The following ABCA3 variants were observed in gnomAD, a reference collection of about 807,000 sequenced individuals.
The protein encoded by ABCA3 is phospholipid-transporting ATPase ABCA3.
A neutral mutation model predicts 172.8 loss-of-function variants in ABCA3; 88 were observed. The ratio of observed to expected loss-of-function variants is 0.51; its 90% CI spans 0.43 to 0.61. ABCA3 has a LOEUF of 0.61. ABCA3 is among the 20% of genes least tolerant of loss of function. The pLI, the probability that ABCA3 is intolerant of heterozygous loss-of-function variation, is 0.00. For synonymous variants in ABCA3, 1,066 were observed against 983.8 expected, an observed-to-expected ratio of 1.08 and a Z score of -1.56; for missense variants, 2,164 against 2,301.0, an observed-to-expected ratio of 0.94 and a Z score of 1.22.
rs377471798 is a variant in ABCA3, at chr16:2,277,006, C to A, written c.4984-201G>T. 2.6e-5 allele frequency among the ~76,000 whole-genome samples: 4 copies of A among 152,176 alleles called. No individual in the cohort carries two copies. Among genetic ancestry groups the A allele is most frequent in the African/African-American group, 9.7e-5 (4 of 41,442 alleles). ...AGGACGCTGGCTAAGCAGGAGCCAG[C>A]GGGGATGGGGCCCAGCCTCCTCCCT... is the stretch of plus-strand genomic sequence containing the variant. On this transcript the variant is annotated intron_variant, in intron 32 of 32. Transcript: ENST00000301732. The surrounding 1 kb of genome is among the most constrained non-coding windows in gnomAD (Gnocchi z 5.3).
chr16:2,302,864 C>G (rs987382070), intron 12 of ABCA3, among the ~76,000 whole-genome samples: 7 of 151,708 alleles, frequency 4.6e-5, no homozygotes, highest in Non-Finnish European at 8.8e-5. Flanking sequence ...TCTCAGCTCA[C>G]TGCAACCTCC....
At chr16:2,301,008 A>G (rs1424564998) in intron 12 of ABCA3, among the ~76,000 whole-genome samples, 10 of 151,828 alleles carry the variant, frequency 6.6e-5, no homozygotes, top group Admixed American at 6.6e-5. Flanking sequence ...AGGCGGGCGG[A>G]TCATGAGGTC....
intron 20 of ABCA3, 92 bp from the exon 21 acceptor site, chr16:2,288,421 G>A (rs2093666589): frequency 5.7e-6 from 8 of 1,410,478 alleles, no homozygotes; most frequent in South Asian, 1.3e-5. Flanking sequence ...TCTGTGTGAC[G>A]CCAGCCTGGG....
At chr16:2,301,950 C>T (rs771026010) in intron 12 of ABCA3, among the ~76,000 whole-genome samples, 4 of 152,244 alleles carry the variant, frequency 2.6e-5, no homozygotes, top group Non-Finnish European at 5.9e-5. Context: ...AGGTTGTGGG[C>T]AAGGAACACC....
chr16:2,323,452 G>C, intron 7 of ABCA3, 71 bp downstream of exon 7: 1 of 1,589,556 alleles, frequency 6.3e-7, no homozygotes. Flanking sequence ...TGCAAAGTGG[G>C]GCTGCCCCCA....
chr16:2,322,373 TTC>T (rs1483088288), intron 7 of ABCA3, among the ~76,000 whole-genome samples: 10 of 152,014 alleles, frequency 6.6e-5, no homozygotes, highest in Admixed American at 5.9e-4. Flanking sequence ...TGAAAAGTAT[TTC>T]TTTCTTTTTT....
Position 2,303,990 on chromosome 16 carries a change from C to G in ABCA3, c.1446G>C (p.Gln482His), listed in dbSNP as rs746960740. The change falls in exon 12 of 33, where the codon CAG becomes CAC. Residue 482 changes from glutamine to histidine, a missense_variant. Coordinates refer to ENST00000301732, the MANE Select transcript of ABCA3 (RefSeq NM_001089.3). Reference protein sequence around the residue: ...AVFPGQFGVPQPWYFFIMPSY... With the variant: ...AVFPGQFGVPHPWYFFIMPSY... The stretch of plus-strand genomic sequence containing the variant: ...TCACCATGATGAAGAAGTACCAGGG[C>G]TGAGGCACGCCGAACTGCCCTGGGA... The G allele has an allele frequency of 6.2e-7, 1 of 1,614,180 alleles. No homozygotes were observed. Among genetic ancestry groups the G allele is most frequent in the Non-Finnish European group, 8.5e-7 (1 of 1,180,020 alleles).
chr16:2,297,666 T>C lies in ABCA3; in HGVS notation c.2052+100A>G, dbSNP rs569780184. The C allele has an allele frequency of 6.3e-6, 10 of 1,591,954 alleles. No individual in the cohort carries two copies. The highest frequency in any genetic ancestry group is 2.3e-4 in the Middle Eastern group (1 of 4,436). On this transcript the variant is annotated intron_variant, in intron 16 of 32. Transcript: ENST00000301732. This position sits in a 1 kb window ranked among gnomAD's most constrained non-coding sequence, Gnocchi z 5.6. ...AGTCCTCCAAGGATGGTGATGGCCT[T>C]GTCTGGGGTGTCAAGGGCCAAGGTG...
chr16:2,290,000 CA>C (rs1396080341), intron 19 of ABCA3, among the ~76,000 whole-genome samples: 2 of 151,122 alleles, frequency 1.3e-5, no homozygotes, highest in East Asian at 1.9e-4. Flanking sequence ...CACACACACA[CA>C]CCCCTTCCTA....
chr16:2,318,595 C>T (rs1032507298), intron 8 of ABCA3, among the ~76,000 whole-genome samples: 2 of 151,772 alleles, frequency 1.3e-5, no homozygotes, highest in Admixed American at 1.3e-4. Context: ...TCACTGCAAC[C>T]TCCACCTCCC....
At position 2,283,096 on chromosome 16, in the gene ABCA3, A is replaced by G. The variant is rs2093657480; in HGVS notation, c.4035+90T>C. On this transcript the variant is annotated intron_variant, in intron 26 of 32. Coordinates refer to ENST00000301732, the MANE Select transcript of ABCA3 (RefSeq NM_001089.3). The surrounding 1 kb of genome is among the most constrained non-coding windows in gnomAD (Gnocchi z 5.4). ...CTGGTGCAGGAGCTGCCTGGTGGAG[A>G]AGGAGGTGGAGCTGCCCCAGGTTGT... 1.8e-5 allele frequency: 25 copies of G among 1,384,118 alleles called. No individual in the cohort carries two copies. Among genetic ancestry groups the G allele is most frequent in the Non-Finnish European group, 2.4e-5 (24 of 998,728 alleles). The allele number at this position is 1,384,118 out of a possible 1,614,324, so 85.7% of individuals were successfully genotyped here.
rs765319289 is a variant in ABCA3 at position 2,277,537 on chromosome 16, C to T, written c.4983+60G>A. 2.0e-5 allele frequency: 32 copies of T among 1,567,716 alleles called. No homozygotes were observed. The Middle Eastern group carries it at 5.0e-4, about 24-fold the overall frequency. The stretch of plus-strand genomic sequence containing the variant: ...CTGCAGTCACCACAGAGGGAGAGAC[C>T]CCTGGAGGGACCTCCCCCTGCCCCA... On this transcript the variant is annotated intron_variant, in intron 32 of 32. Coordinates refer to ENST00000301732, the MANE Select transcript of ABCA3 (RefSeq NM_001089.3). This position sits in a 1 kb window ranked among gnomAD's most constrained non-coding sequence, Gnocchi z 5.3.
At position 2,295,804 on chromosome 16, in the gene ABCA3, G is replaced by A. The variant is rs112990692; in HGVS notation, c.2264-64C>T. The A allele has an allele frequency of 3.6e-3, 5,787 of 1,606,952 alleles. 162 individuals carry two copies. In the African/African-American group the frequency reaches 0.064, roughly 18 times the overall value. On this transcript the variant is annotated intron_variant, in intron 17 of 32. Coordinates refer to ENST00000301732, the MANE Select transcript of ABCA3 (RefSeq NM_001089.3). ...CCCCAGGTCTCTTCATGCCCACCCC[G>A]GGGTCTCTAGGGCTCACACCAGGCA...
In ABCA3 at chr16:2,277,898, G is replaced by T; in HGVS notation, c.4890C>A (p.Phe1630Leu). ...QQEALEEFKA[F>L]VDLTFPGSVL... ...ACACACCTGGAAAGGTCAGGTCCAC[G>T]AAGGCCTTGAACTCCTCCAGCGCCT... Residue 1630 changes from phenylalanine to leucine, a missense_variant, in exon 31 of 33, where the codon TTC (phenylalanine) becomes TTA (leucine). By Grantham distance (22) the Phe-to-Leu change is conservative. This residue lies in a region of ABCA3 where 795 missense variants were observed against 881.9 expected (regional missense o/e 0.90). Transcript: ENST00000301732. This position sits in a 1 kb window ranked among gnomAD's most constrained non-coding sequence, Gnocchi z 5.3. 6.2e-7 allele frequency: 1 copy of T among 1,609,790 alleles called. No individual in the cohort carries two copies. Among genetic ancestry groups the T allele is most frequent in the Non-Finnish European group, 8.5e-7 (1 of 1,179,974 alleles).
chr16:2,288,567 TA>T (rs1165455316), intron 20 of ABCA3, among the ~76,000 whole-genome samples: 15 of 152,302 alleles, frequency 9.8e-5, no homozygotes, highest in Non-Finnish European at 1.5e-5. Flanking sequence ...GGCACTATTT[TA>T]TTTTTTTGAG....
chr16:2,308,527 T>G lies in ABCA3; in HGVS notation c.1208A>C (p.Gln403Pro). 6.2e-7 allele frequency: 1 copy of G among 1,614,216 alleles called. No individual in the cohort carries two copies. Among genetic ancestry groups the G allele is most frequent in the Non-Finnish European group, 8.5e-7 (1 of 1,180,020 alleles). Residue 403 changes from glutamine to proline, a missense_variant, in exon 11 of 33, where the codon CAG becomes CCG. Gln to Pro is a moderately conservative substitution (Grantham distance 76). This residue lies in a region of ABCA3 where 1,343 missense variants were observed against 1,369.6 expected (regional missense o/e 0.98). Transcript: ENST00000301732. ...APRYNWMTLS[Q>P]KLCSCLLSNV... ...AGACAGGAGGCAGGAGCAGAGCTTC[T>G]GGCTCAGAGTCATCCAGTTGTACCG...
Position 2,284,890 on chromosome 16 carries a change from G to A in ABCA3, c.3592C>T (p.Leu1198=), listed in dbSNP as rs747333878. 1.4e-5 allele frequency: 22 copies of A among 1,613,846 alleles called. No individual in the cohort carries two copies. The highest frequency in any genetic ancestry group is 1.9e-5 in the Non-Finnish European group (22 of 1,180,018). ...GCCCCCAAGAAGAAGAAGTTCATCA[G>A]GTACATGAGGGGGATGATGGCCCAG... ...YGWAIIPLMY[L]MNFFFLGAAT... Residue 1198 remains leucine (L), a synonymous_variant, in exon 24 of 33, where the codon CTG becomes TTG. Transcript: ENST00000301732. The surrounding 1 kb of genome is among the most constrained non-coding windows in gnomAD (Gnocchi z 5.9).
chr16:2,327,518 C>G (rs150186032), intron 3 of ABCA3, among the ~76,000 whole-genome samples: 1 of 152,258 alleles, frequency 6.6e-6, no homozygotes, highest in Non-Finnish European at 1.5e-5. Context: ...TTGGAGAGAG[C>G]TGTGCAGGGA....
At position 2,323,667 on chromosome 16, in the gene ABCA3, T is replaced by C; in HGVS notation, c.469A>G (p.Ser157Gly). The C allele has an allele frequency of 2.5e-6, 4 of 1,614,188 alleles. No individual in the cohort carries two copies. The highest frequency in any genetic ancestry group is 3.4e-6 in the Non-Finnish European group (4 of 1,180,026). Residue 157 changes from serine (S) to glycine (G), a missense_variant, in exon 7 of 33, where the codon AGT (serine) becomes GGT (glycine). Around this residue, in one of 3 missense-constraint regions of ABCA3, gnomAD observed 1,343 missense variants for 1,369.6 expected, o/e 0.98. Transcript: ENST00000301732. The part of the protein sequence containing the change: ...PLAVKYHLRF[S>G]YTRRNYMWTQ... ...CACATGTAATTTCTCCGTGTGTAAC[T>C]GAACCGTAGGTGATATTTCACCTGT...
Sources: allele counts gnomAD v4.1 joint callset (sites outside exome capture counted in the v4.1 genomes callset), GRCh38; gene constraint gnomAD v4.1.1; regional missense constraint gnomAD v4.1.1; non-coding constraint Gnocchi (gnomAD v3.1); transcripts MANE v1.5; gene names NCBI Gene and HGNC (gene_info 2026-07-23, HGNC 2026-07-21).